The following ARV1 variants were observed in gnomAD, a reference collection of about 807,000 sequenced individuals.
ARV1 encodes the protein protein ARV1.
Under a neutral mutation model 31.1 loss-of-function variants are expected in ARV1, and 26 were observed. The observed-to-expected ratio is 0.84, with a 90% CI of 0.61 to 1.16. ARV1 has a LOEUF of 1.16. Ranked by LOEUF, ARV1 falls within the 50% of genes most tolerant of loss-of-function variation. The probability of loss-of-function intolerance (pLI) is 0.00; values close to 1 mark genes in which losing one functional copy is unlikely to be tolerated. For synonymous variants in ARV1, 117 were observed against 123.2 expected, an observed-to-expected ratio of 0.95 and a Z score of 0.34; for missense variants, 281 against 324.9, an observed-to-expected ratio of 0.86 and a Z score of 1.04.
At chr1:230,979,599 A>G (rs1332702210) in intron 1 of ARV1, 1 of 328,276 alleles carries the variant, frequency 3.0e-6, no homozygotes, top group Non-Finnish European at 5.6e-6. Context: ...ACTTCCTTCT[A>G]GCTCTTCTCC....
chr1:230,991,184 C>T (rs1679217680), intron 3 of ARV1, among the ~76,000 whole-genome samples: 1 of 152,122 alleles, frequency 6.6e-6, no homozygotes, highest in Admixed American at 6.6e-5. Context: ...ATTGCTAGTT[C>T]CATGCTTCTC....
intron 5 of ARV1, among the ~76,000 whole-genome samples, chr1:230,997,940 G>A (rs1679416913): frequency 1.3e-5 from 2 of 152,136 alleles, no homozygotes; most frequent in Admixed American, 6.5e-5. Flanking sequence ...CCCATCAGAG[G>A]GCCATACCTC....
chr1:230,984,342 TCGTGTGTGTGTGTGTGTGTG>T lies in ARV1; in HGVS notation c.175-3957_175-3938del, dbSNP rs755628333. Reference sequence around the variant, plus strand: ...TTTGGGATGTCTACATTTGTTTGTTTCGTGTGTGTGTGTGTGTGTGCGTGTGTGTGTGTGTGTGTGTGTGT... The same window carrying T: ...TTTGGGATGTCTACATTTGTTTGTTTCGTGTGTGTGTGTGTGTGTGTGTGT... On this transcript the variant is annotated intron_variant, in intron 1 of 5. Transcript: ENST00000310256. Among the ~76,000 whole-genome samples, 22 of 85,166 alleles carry T rather than the reference TCGTGTGTGTGTGTGTGTGTG, an allele frequency of 2.6e-4. No individual in the cohort carries two copies. In the East Asian group the frequency reaches 3.7e-3, roughly 14 times the overall value. The allele number at this position is 85,166 out of a possible 152,430, so 55.9% of individuals were successfully genotyped here.
At position 230,991,695 on chromosome 1, in the gene ARV1, G is replaced by A. The variant is rs186296513; in HGVS notation, c.448+1432G>A. On this transcript the variant is annotated intron_variant, in intron 3 of 5. Transcript: ENST00000310256. ...CGCCCAGGCTGGAGTGCAGTGGCGC[G>A]GTCTTGACTCACTGCAACCTCTGCC... 6.6e-3 allele frequency among the ~76,000 whole-genome samples: 985 copies of A among 150,270 alleles called. 10 individuals are homozygous for A. The highest frequency in any genetic ancestry group is 0.023 in the African/African-American group (937 of 40,656).
In ARV1 at chr1:231,000,490, C is replaced by T. The variant is rs1317882957; in HGVS notation, c.*357C>T. The T allele has an allele frequency of 6.6e-6, 1 of 152,160 alleles. No homozygotes were observed. The highest frequency in any genetic ancestry group is 2.4e-5 in the African/African-American group (1 of 41,436). The allele number at this position is 152,160 out of a possible 1,614,324, so 9.4% of individuals were successfully genotyped here. ...ATAATAAAACATCTAGGTTTCATTCCTTTGACATGTTTATATCTTTTTAAT... is the reference window on the plus strand; with the variant it reads ...ATAATAAAACATCTAGGTTTCATTCTTTTGACATGTTTATATCTTTTTAAT... On this transcript the variant is annotated 3_prime_UTR_variant, in exon 6 of 6. Coordinates refer to ENST00000310256, the MANE Select transcript of ARV1 (RefSeq NM_022786.3).
intron 5 of ARV1, among the ~76,000 whole-genome samples, 172 bp downstream of exon 5, chr1:230,997,439 T>C (rs1679402142): frequency 6.6e-6 from 1 of 152,024 alleles, no homozygotes. Context: ...CCAGGGGTCT[T>C]CACTTTAGTT....
At chr1:230,981,881 A>G (rs1678918982) in intron 1 of ARV1, among the ~76,000 whole-genome samples, 1 of 152,126 alleles carries the variant, frequency 6.6e-6, no homozygotes, top group African/African-American at 2.4e-5. Flanking sequence ...CCTTTGCACA[A>G]TGCCTGGAGC....
At chr1:230,981,268 A>G (rs1678903796) in intron 1 of ARV1, among the ~76,000 whole-genome samples, 2 of 152,118 alleles carry the variant, frequency 1.3e-5, no homozygotes, top group Non-Finnish European at 2.9e-5. Flanking sequence ...AATTTTGACA[A>G]TTTCCAAATT....
intron 5 of ARV1, among the ~76,000 whole-genome samples, chr1:230,998,002 T>C (rs896333043): frequency 1.3e-4 from 20 of 152,190 alleles, no homozygotes; most frequent in African/African-American, 4.6e-4. Flanking sequence ...TGCTGAGAAT[T>C]GAGACCTTCA....
chr1:230,986,143 C>T (rs533137599), intron 1 of ARV1, among the ~76,000 whole-genome samples: 1 of 151,948 alleles, frequency 6.6e-6, no homozygotes, highest in East Asian at 1.9e-4. Context: ...AGGATGGTCT[C>T]GATTTCCTGA....
rs1261305016 is a variant in ARV1, at chr1:230,979,247, T to TA, written c.143dup (p.Tyr48Ter). The TA allele has an allele frequency of 6.2e-7, 1 of 1,613,170 alleles. No homozygotes were observed. The highest frequency in any genetic ancestry group is 8.5e-7 in the Non-Finnish European group (1 of 1,179,646). ...NQEAKELYRDYNHGVLKITIC... is the reference protein window; with the variant it reads ...NQEAKELYRD Reference sequence around the variant, plus strand: ...GGAGGCCAAAGAGTTGTACCGAGACTATAACCACGGTGTGCTGAAGATAAC... The same window carrying TA: ...GGAGGCCAAAGAGTTGTACCGAGACTAATAACCACGGTGTGCTGAAGATAAC... Residue 48 changes from tyrosine (Y) to a stop codon, truncating the protein, a stop_gained and frameshift_variant, in exon 1 of 6, where the codon TAT becomes TAAT. Coordinates refer to ENST00000310256, the MANE Select transcript of ARV1 (RefSeq NM_022786.3). LOFTEE classifies it high-confidence loss of function.
chr1:230,996,839 T>C (rs572023358), intron 4 of ARV1, among the ~76,000 whole-genome samples: 3 of 152,362 alleles, frequency 2.0e-5, no homozygotes, highest in East Asian at 3.9e-4. Context: ...GTTGTCGTTA[T>C]TCTCTTATAG....
chr1:230,984,999 T>C (rs1679024818), intron 1 of ARV1, among the ~76,000 whole-genome samples: 1 of 152,206 alleles, frequency 6.6e-6, no homozygotes, highest in Admixed American at 6.5e-5. Flanking sequence ...GAGCCCTTAG[T>C]GTCTTGTAAA....
chr1:230,989,126 G>T (rs1679162008), intron 2 of ARV1, among the ~76,000 whole-genome samples: 1 of 152,040 alleles, frequency 6.6e-6, no homozygotes, highest in Non-Finnish European at 1.5e-5. Flanking sequence ...TTAACTGGCG[G>T]TCCTGTTATT....
At chr1:230,982,189 G>T (rs1354267857) in intron 1 of ARV1, among the ~76,000 whole-genome samples, 1 of 152,222 alleles carries the variant, frequency 6.6e-6, no homozygotes, top group Admixed American at 6.5e-5. Flanking sequence ...TTGAATAAAT[G>T]TATCACTTCC....
chr1:230,993,306 G>A (rs1367872591), intron 3 of ARV1, among the ~76,000 whole-genome samples: 3 of 152,046 alleles, frequency 2.0e-5, no homozygotes, highest in African/African-American at 7.2e-5. Flanking sequence ...CTGTTGTCCA[G>A]GTTGGTCTTG....
At chr1:230,979,682 G>A (rs1366305384) in intron 1 of ARV1, among the ~76,000 whole-genome samples, 2 of 152,160 alleles carry the variant, frequency 1.3e-5, no homozygotes, top group African/African-American at 2.4e-5. Flanking sequence ...CTTTTTAAAG[G>A]TTTCATCAAT....
At position 230,988,440 on chromosome 1, in the gene ARV1, G is replaced by GT. The variant is rs755354663; in HGVS notation, c.294+2dup. 2.0e-5 allele frequency: 31 copies of GT among 1,526,642 alleles called. No homozygotes were observed. Among genetic ancestry groups the GT allele is most frequent in the Non-Finnish European group, 2.6e-5 (30 of 1,134,138 alleles). 94.6% of individuals were successfully genotyped at this position (1,526,642 alleles called of 1,614,324 possible). A position where few individuals can be genotyped will look rare whatever the true frequency, so the allele number is the denominator to read the frequency against. Reference sequence around the variant, plus strand: ...TATTCTTTTCAATACTCAAATAAATGTAAGTTGTGATAATTTCATTTTTTA... The same window carrying GT: ...TATTCTTTTCAATACTCAAATAAATGTTAAGTTGTGATAATTTCATTTTTTA... On this transcript the variant is annotated splice_donor_variant, in intron 2 of 5. Transcript: ENST00000310256. LOFTEE classifies it high-confidence loss of function.
At chr1:230,982,503 G>A (rs1678936481) in intron 1 of ARV1, among the ~76,000 whole-genome samples, 1 of 152,150 alleles carries the variant, frequency 6.6e-6, no homozygotes, top group Non-Finnish European at 1.5e-5. Flanking sequence ...TAGCTGTTTA[G>A]GTCAACATTC....
Sources: gnomAD v4.1 joint callset for allele counts (sites outside exome capture counted in the v4.1 genomes callset) on GRCh38, gnomAD v4.1.1 for gene constraint, MANE v1.5 for transcripts, NCBI Gene and HGNC (gene_info 2026-07-23, HGNC 2026-07-21) for gene names.